The following COLEC12 variants were observed in gnomAD, a reference collection of about 807,000 sequenced individuals.
COLEC12 encodes the protein collectin-12.
Under a neutral mutation model 71.1 loss-of-function variants are expected in COLEC12, and 33 were observed. The ratio of observed to expected loss-of-function variants is 0.46; its 90% confidence interval spans 0.35 to 0.62. The LOEUF (loss-of-function observed/expected upper bound fraction) is 0.62. Among genes scored for constraint, COLEC12 ranks in the 20% least tolerant of loss-of-function variants. The pLI, the probability that COLEC12 is intolerant of heterozygous loss-of-function variation, is 0.00. For missense variants in COLEC12, 765 were observed against 916.1 expected (o/e 0.84, Z 2.13); for synonymous variants, 350 against 353.0 (o/e 0.99, Z 0.10).
At chr18:499,385 G>A (rs1917774970) in intron 1 of COLEC12, among the ~76,000 whole-genome samples, 1 of 152,142 alleles carries the variant, frequency 6.6e-6, no homozygotes, top group African/African-American at 2.4e-5. Context: ...CATCGCTCCG[G>A]TTAGTTCCGC....
chr18:324,138 C>T (rs1470241022), intron 8 of COLEC12, among the ~76,000 whole-genome samples: 1 of 152,022 alleles, frequency 6.6e-6, no homozygotes. Context: ...GGCTGACCAC[C>T]CAGAGTCTCA....
At chr18:411,075 C>G (rs1304626085) in intron 2 of COLEC12, among the ~76,000 whole-genome samples, 1 of 152,118 alleles carries the variant, frequency 6.6e-6, no homozygotes, top group Non-Finnish European at 1.5e-5. Context: ...ACACGGAGAG[C>G]TGGAATTTCT....
At chr18:418,912 C>T (rs1916040805) in intron 2 of COLEC12, among the ~76,000 whole-genome samples, 1 of 152,178 alleles carries the variant, frequency 6.6e-6, no homozygotes, top group African/African-American at 2.4e-5. Context: ...ACTGAGGACT[C>T]GCCCTGATTT....
At chr18:461,530 G>A (rs1171573074) in intron 2 of COLEC12, among the ~76,000 whole-genome samples, 1 of 152,160 alleles carries the variant, frequency 6.6e-6, no homozygotes, top group African/African-American at 2.4e-5. Context: ...AGGACCACAG[G>A]CATACACCAC....
At chr18:368,690 C>T (rs1024216941) in intron 2 of COLEC12, among the ~76,000 whole-genome samples, 20 of 150,424 alleles carry the variant, frequency 1.3e-4, no homozygotes, top group Admixed American at 1.2e-3. Flanking sequence ...TGGTGAAACC[C>T]CGTCTCCACT....
chr18:460,522 A>G (rs1385531786), intron 2 of COLEC12, among the ~76,000 whole-genome samples: 1 of 152,226 alleles, frequency 6.6e-6, no homozygotes, highest in African/African-American at 2.4e-5. Context: ...CACTAGTAGT[A>G]ACCTCATGTC....
chr18:471,691 T>G (rs1314444940), intron 2 of COLEC12, among the ~76,000 whole-genome samples: 4 of 151,352 alleles, frequency 2.6e-5, no homozygotes, highest in African/African-American at 9.7e-5. Context: ...AATAATTTTG[T>G]ATAACTTAGT....
chr18:499,602 C>G lies in COLEC12; in HGVS notation c.7+906G>C, dbSNP rs367914551. Among the ~76,000 whole-genome samples the G allele has an allele frequency of 1.6e-4, 24 of 152,324 alleles. No homozygotes were observed. In the South Asian group the frequency reaches 4.3e-3, roughly 28 times the overall value. ...CTGTGTTATCCTAGCACAGAACCAG[C>G]AACTCTCACACGAAGCCTTGTGTAA... On this transcript the variant is annotated intron_variant, in intron 1 of 9. Coordinates refer to ENST00000400256, the MANE Select transcript of COLEC12 (RefSeq NM_130386.3).
chr18:483,271 G>A (rs919475725), intron 1 of COLEC12, among the ~76,000 whole-genome samples: 7 of 151,946 alleles, frequency 4.6e-5, no homozygotes, highest in Non-Finnish European at 1.0e-4. Flanking sequence ...GTGGTGGCAG[G>A]TGCCTGTAAT....
At chr18:393,090 A>G (rs2143594239) in intron 2 of COLEC12, among the ~76,000 whole-genome samples, 1 of 152,360 alleles carries the variant, frequency 6.6e-6, no homozygotes, top group Middle Eastern at 3.4e-3. Flanking sequence ...CCAAACCATC[A>G]AAAAACAGCA....
At chr18:384,664 TAGA>T (rs1915306066) in intron 2 of COLEC12, among the ~76,000 whole-genome samples, 1 of 152,162 alleles carries the variant, frequency 6.6e-6, no homozygotes, top group Non-Finnish European at 1.5e-5. Flanking sequence ...AGAGATTCTG[TAGA>T]AGGAGGTCGG....
At chr18:426,968 A>G (rs111757355) in intron 2 of COLEC12, among the ~76,000 whole-genome samples, 291 of 152,298 alleles carry the variant, frequency 1.9e-3, no homozygotes, top group African/African-American at 6.6e-3. Context: ...ATAACTTCCT[A>G]GGGCTGCAAG....
chr18:495,654 T>G (rs532961691), intron 1 of COLEC12, among the ~76,000 whole-genome samples: 1 of 152,334 alleles, frequency 6.6e-6, no homozygotes, highest in Admixed American at 6.5e-5. Context: ...GTCATTACAG[T>G]TCTAAGTCCG....
intron 2 of COLEC12, among the ~76,000 whole-genome samples, chr18:474,642 G>A (rs911642959): frequency 6.6e-6 from 1 of 152,172 alleles, no homozygotes; most frequent in African/African-American, 2.4e-5. Context: ...CGGCGTTTAG[G>A]AGCTCCACCT....
intron 2 of COLEC12, among the ~76,000 whole-genome samples, chr18:428,671 T>C (rs72863555): frequency 0.017 from 2,523 of 152,334 alleles, 31 homozygotes; most frequent in Non-Finnish European, 0.02. Flanking sequence ...TGTAATTAGG[T>C]GACTGAAAGT....
intron 2 of COLEC12, among the ~76,000 whole-genome samples, chr18:412,335 A>T (rs12162167): frequency 0.32 from 49,321 of 151,962 alleles, 8,540 homozygotes; most frequent in South Asian, 0.55. Context: ...TGAAAGAAAA[A>T]AACTGATAAC....
chr18:409,426 C>T (rs113059131), intron 2 of COLEC12, among the ~76,000 whole-genome samples: 2 of 151,990 alleles, frequency 1.3e-5, no homozygotes, highest in African/African-American at 2.4e-5. Context: ...CCCAGCTACT[C>T]GGGAGGCTGA....
intron 2 of COLEC12, among the ~76,000 whole-genome samples, chr18:378,814 C>T (rs1290007835): frequency 5.3e-5 from 8 of 152,170 alleles, no homozygotes; most frequent in Non-Finnish European, 1.5e-5. Flanking sequence ...TTGTTCTCCC[C>T]TCCATTCTTA....
chr18:434,630 G>A (rs1055964443), intron 2 of COLEC12, among the ~76,000 whole-genome samples: 2 of 152,180 alleles, frequency 1.3e-5, no homozygotes, highest in Non-Finnish European at 2.9e-5. Flanking sequence ...CTGGAGTGAT[G>A]CAATGCACTG....
Sources: gnomAD v4.1 joint callset for allele counts (sites outside exome capture counted in the v4.1 genomes callset) on GRCh38, gnomAD v4.1.1 for gene constraint, MANE v1.5 for transcripts, NCBI Gene and HGNC (gene_info 2026-07-23, HGNC 2026-07-21) for gene names.